ARFGEF1: variants seen among roughly 807,000 people sequenced by gnomAD.
ARFGEF1 encodes ARF guanine nucleotide exchange factor 1.
A neutral mutation model predicts 231.0 loss-of-function variants in ARFGEF1; 42 were observed. The ratio of observed to expected loss-of-function variants is 0.18; its 90% CI spans 0.14 to 0.24. The LOEUF (loss-of-function observed/expected upper bound fraction) is 0.24, where lower values mean the gene tolerates loss of function less well. Among genes scored for constraint, ARFGEF1 ranks in the 10% least tolerant of loss-of-function variants. The pLI is 1.00. For synonymous variants in ARFGEF1, 710 were observed against 732.3 expected (o/e 0.97, Z 0.49); for missense variants, 1,345 against 2,192.0 (o/e 0.61, Z 7.72).
intron 4 of ARFGEF1, 123 bp from the exon 5 acceptor site, chr8:67,296,733 C>A: frequency 1.4e-6 from 1 of 712,532 alleles, no homozygotes; most frequent in Non-Finnish European, 2.2e-6. Flanking sequence ...TCACTGCAGC[C>A]TTGAACTCCT....
At position 67,343,353 on chromosome 8, in the gene ARFGEF1, GGA is replaced by G; in HGVS notation, c.-68_-67del. 6.3e-7 allele frequency: 1 copy of G among 1,593,796 alleles called. No individual in the cohort carries two copies. The highest frequency in any genetic ancestry group is 8.6e-7 in the Non-Finnish European group (1 of 1,169,144). ...TCCCAGCGGCTGGAGGGGAGGAGGAGGAGAGGAAGGAAGAGAAGAGAGAAAGG... is the reference window on the plus strand; with the variant it reads ...TCCCAGCGGCTGGAGGGGAGGAGGAGGAGGAAGGAAGAGAAGAGAGAAAGG... On this transcript the variant is annotated 5_prime_UTR_variant, in exon 1 of 39. Transcript: ENST00000262215.
At chr8:67,273,419 C>CAAA (rs58580002) in intron 9 of ARFGEF1, among the ~76,000 whole-genome samples, 14 of 56,606 alleles carry the variant, frequency 2.5e-4, no homozygotes, top group African/African-American at 3.3e-4. Context: ...TTTTTTTTCC[C>CAAA]AAAAAAAAAA....
chr8:67,230,351 G>C (rs186483450), intron 23 of ARFGEF1, among the ~76,000 whole-genome samples: 147 of 152,064 alleles, frequency 9.7e-4, no homozygotes, highest in Non-Finnish European at 1.9e-3. Context: ...AAAAAACATT[G>C]GTAAGATTAC....
chr8:67,190,758 T>C (rs922480262), intron 5 of ARFGEF1: 10 of 1,599,066 alleles, frequency 6.3e-6, no homozygotes, highest in Non-Finnish European at 8.6e-6. Flanking sequence ...GGACTAGACA[T>C]TGTATGTATG....
intron 1 of ARFGEF1, among the ~76,000 whole-genome samples, chr8:67,338,547 C>T (rs1808453486): frequency 6.6e-6 from 1 of 152,346 alleles, no homozygotes; most frequent in East Asian, 1.9e-4. Context: ...AGATTACACA[C>T]TATAATCCAA....
At chr8:67,271,369 T>C (rs1386927662) in intron 10 of ARFGEF1, among the ~76,000 whole-genome samples, 1 of 152,192 alleles carries the variant, frequency 6.6e-6, no homozygotes, top group Non-Finnish European at 1.5e-5. Context: ...TCTTTTAAGA[T>C]AAACAAATGT....
intron 7 of ARFGEF1, among the ~76,000 whole-genome samples, chr8:67,284,078 G>T (rs140089377): frequency 6.6e-6 from 1 of 152,152 alleles, no homozygotes; most frequent in East Asian, 1.9e-4. Context: ...TGGAAACAAC[G>T]TAAGTACAAC....
Position 67,257,600 on chromosome 8 carries a change from C to T in ARFGEF1, c.2526+132G>A, listed in dbSNP as rs113683825. ...TGCCTTTGTAAAATGTTCACCATCCCAAATTAAATACCCAAATATGGTGAC... is the reference window on the plus strand; with the variant it reads ...TGCCTTTGTAAAATGTTCACCATCCTAAATTAAATACCCAAATATGGTGAC... On this transcript the variant is annotated intron_variant, in intron 17 of 38. Transcript: ENST00000262215. The T allele has an allele frequency of 1.9e-4, 138 of 712,244 alleles. 1 individual carries two copies. In the African/African-American group the frequency reaches 2.0e-3, roughly 10 times the overall value. The allele number at this position is 712,244 out of a possible 1,614,324, so 44.1% of individuals were successfully genotyped here.
At chr8:67,281,345 T>A (rs1805528328) in intron 7 of ARFGEF1, among the ~76,000 whole-genome samples, 1 of 151,918 alleles carries the variant, frequency 6.6e-6, no homozygotes, top group African/African-American at 2.4e-5. Flanking sequence ...CATAAAAAAA[T>A]CAACTGCTAC....
At chr8:67,205,498 T>C (rs1838480228) in intron 34 of ARFGEF1, among the ~76,000 whole-genome samples, 1 of 152,108 alleles carries the variant, frequency 6.6e-6, no homozygotes, top group African/African-American at 2.4e-5. Flanking sequence ...GATAAAAATG[T>C]AACAAATGGA....
intron 4 of ARFGEF1, among the ~76,000 whole-genome samples, chr8:67,298,030 T>G (rs1023771799): frequency 2.0e-5 from 3 of 152,116 alleles, no homozygotes; most frequent in African/African-American, 7.2e-5. Context: ...GGTCTCGAAC[T>G]TCTGGGATCA....
At chr8:67,179,944 A>G in intron 5 of ARFGEF1, 1 of 1,368,798 alleles carries the variant, frequency 7.3e-7, no homozygotes, top group Non-Finnish European at 1.0e-6. Flanking sequence ...TATTTATTTT[A>G]TTAAGGCTAT....
intron 14 of ARFGEF1, among the ~76,000 whole-genome samples, chr8:67,262,402 G>C (rs1804670080): frequency 6.6e-6 from 1 of 152,228 alleles, no homozygotes; most frequent in Non-Finnish European, 1.5e-5. Flanking sequence ...AGTGAAAACA[G>C]TGGTTTCTTG....
intron 1 of ARFGEF1, among the ~76,000 whole-genome samples, chr8:67,310,659 T>A (rs945246657): frequency 1.3e-5 from 2 of 151,312 alleles, no homozygotes; most frequent in African/African-American, 4.9e-5. Flanking sequence ...GAGGAGCGTC[T>A]CTGCCCGGCC....
intron 6 of ARFGEF1, 38 bp from the exon 7 acceptor site, chr8:67,288,103 A>C: frequency 7.1e-7 from 1 of 1,409,108 alleles, no homozygotes; most frequent in Non-Finnish European, 9.7e-7. Context: ...CATTATTTTA[A>C]CTTTTTGGAA....
chr8:67,287,841 T>A (rs1299706714), intron 7 of ARFGEF1, 114 bp downstream of exon 7: 2 of 617,108 alleles, frequency 3.2e-6, no homozygotes, highest in African/African-American at 3.8e-5. Flanking sequence ...AACTTTCCAT[T>A]GGTTGGCTCC....
chr8:67,270,035 T>G (rs1247624754), intron 10 of ARFGEF1, among the ~76,000 whole-genome samples: 1 of 152,228 alleles, frequency 6.6e-6, no homozygotes, highest in Non-Finnish European at 1.5e-5. Flanking sequence ...AATTTTCTAA[T>G]GCCAACTTAA....
chr8:67,196,667 T>C (rs1257168262), downstream of ARFGEF1, among the ~76,000 whole-genome samples: 2 of 152,226 alleles, frequency 1.3e-5, no homozygotes, highest in African/African-American at 4.8e-5. Flanking sequence ...CCATTGTTTG[T>C]TTGCTTTACT....
At chr8:67,265,328 C>T (rs1804807185) in intron 14 of ARFGEF1, among the ~76,000 whole-genome samples, 1 of 152,074 alleles carries the variant, frequency 6.6e-6, no homozygotes, top group Admixed American at 6.6e-5. Context: ...AGTAAGCACA[C>T]AGGGGAATTT....
Sources: allele counts gnomAD v4.1 joint callset (sites outside exome capture counted in the v4.1 genomes callset), GRCh38; gene constraint gnomAD v4.1.1; transcripts MANE v1.5; gene names NCBI Gene and HGNC (gene_info 2026-07-23, HGNC 2026-07-21).